Variants in RHOU observed in about 807,000 individuals in gnomAD.
RHOU encodes the protein rho-related GTP-binding protein RhoU.
RHOU carries 8 observed loss-of-function variants against 12.6 expected under a neutral mutation model. The observed-to-expected ratio is 0.64, with a 90% CI of 0.37 to 1.15. The LOEUF is 1.15. Among genes scored for constraint, RHOU ranks in the 50% most tolerant of loss-of-function variants. RHOU has a pLI of 0.01. For synonymous variants in RHOU, 161 were observed against 147.4 expected, an observed-to-expected ratio of 1.09 and a Z score of -0.67; for missense variants, 258 against 347.0, an observed-to-expected ratio of 0.74 and a Z score of 2.04.
At chr1:228,649,610 G>C in the RHOU span, among the ~76,000 whole-genome samples, 1 of 152,188 alleles carries the variant, frequency 6.6e-6, no homozygotes, top group African/African-American at 2.4e-5. Flanking sequence ...GACATTTGAT[G>C]CTGTTTTGAT....
the RHOU span, among the ~76,000 whole-genome samples, chr1:228,664,660 G>A: frequency 6.6e-6 from 1 of 151,990 alleles, no homozygotes; most frequent in Non-Finnish European, 1.5e-5. Context: ...TGAGACAGAG[G>A]TTTGTCCTTG....
chr1:228,685,628 T>A, the RHOU span, among the ~76,000 whole-genome samples: 1 of 152,122 alleles, frequency 6.6e-6, no homozygotes, highest in Non-Finnish European at 1.5e-5. Flanking sequence ...AATTTGAGAG[T>A]TTTAGAAGAT....
the RHOU span, among the ~76,000 whole-genome samples, chr1:228,726,900 G>T: frequency 6.6e-6 from 1 of 152,172 alleles, no homozygotes; most frequent in African/African-American, 2.4e-5. Context: ...ACCCAAGATT[G>T]TGCTAAAGTC....
Position 228,743,480 on chromosome 1 carries a change from A to G in RHOU, c.517A>G (p.Ile173Val). 1.2e-6 allele frequency: 2 copies of G among 1,614,192 alleles called. No individual in the cohort carries two copies. The highest frequency in any genetic ancestry group is 2.2e-5 in the East Asian group (1 of 44,870). ...SDLREDVKVLIELDKCKEKPV... is the reference protein window; with the variant it reads ...SDLREDVKVLVELDKCKEKPV... ...TCTCAGAGAAGATGTCAAAGTCCTC[A>G]TTGAGTTGGACAAATGCAAAGAAAA... Residue 173 changes from isoleucine to valine, a missense_variant, in exon 3 of 3, where the codon ATT becomes GTT. Physicochemically the swap from Ile to Val is conservative, Grantham distance 29 (BLOSUM62 3). Coordinates refer to ENST00000366691, the MANE Select transcript of RHOU (RefSeq NM_021205.6). This position sits in a 1 kb window ranked among gnomAD's most constrained non-coding sequence, Gnocchi z 5.1.
chr1:228,648,294 C>T, the RHOU span, among the ~76,000 whole-genome samples: 53 of 152,220 alleles, frequency 3.5e-4, no homozygotes, highest in African/African-American at 1.3e-3. Context: ...CCTGTTTCCT[C>T]GCGGGAGTGC....
the RHOU span, among the ~76,000 whole-genome samples, chr1:228,724,047 T>C: frequency 6.6e-6 from 1 of 152,228 alleles, no homozygotes; most frequent in East Asian, 1.9e-4. Context: ...CCTGTTTTTT[T>C]TCGTCTCTGT....
At position 228,744,018 on chromosome 1, in the gene RHOU, C is replaced by A; in HGVS notation, c.*278C>A. 1 of 342,128 alleles carries A rather than the reference C, an allele frequency of 2.9e-6. No individual in the cohort carries two copies. The highest frequency in any genetic ancestry group is 5.3e-6 in the Non-Finnish European group (1 of 187,462). 21.2% of individuals were successfully genotyped at this position (342,128 alleles called of 1,614,324 possible). ...TTCTAGACCTCTGGTTAATTTATATCTAATATGAAGAAGACACCTCTAATC... is the reference window on the plus strand; with the variant it reads ...TTCTAGACCTCTGGTTAATTTATATATAATATGAAGAAGACACCTCTAATC... On this transcript the variant is annotated 3_prime_UTR_variant, in exon 3 of 3. Coordinates refer to ENST00000366691, the MANE Select transcript of RHOU (RefSeq NM_021205.6).
chr1:228,665,403 C>T, the RHOU span, among the ~76,000 whole-genome samples: 5 of 152,216 alleles, frequency 3.3e-5, no homozygotes, highest in Admixed American at 2.0e-4. Context: ...TACGTGGCAG[C>T]ACTAGGGTGA....
chr1:228,659,016 CT>C, the RHOU span, among the ~76,000 whole-genome samples: 30 of 152,264 alleles, frequency 2.0e-4, no homozygotes, highest in Middle Eastern at 0.01. Context: ...TACAGCAAAA[CT>C]TTGGGATACA....
the RHOU span, among the ~76,000 whole-genome samples, chr1:228,646,757 C>T: frequency 3.3e-4 from 50 of 152,044 alleles, no homozygotes; most frequent in Non-Finnish European, 5.3e-4. Context: ...CACACCCGTT[C>T]GTTCTCGTTC....
the RHOU span, among the ~76,000 whole-genome samples, chr1:228,682,404 C>T: frequency 6.6e-6 from 1 of 152,102 alleles, no homozygotes; most frequent in African/African-American, 2.4e-5. Context: ...GTGTGAGCAA[C>T]AAGGCTGTTT....
the RHOU span, among the ~76,000 whole-genome samples, chr1:228,648,827 G>GT: frequency 6.6e-6 from 1 of 151,460 alleles, no homozygotes; most frequent in South Asian, 2.1e-4. Flanking sequence ...TCTGAAATTT[G>GT]TTTTTTCTCT....
the RHOU span, among the ~76,000 whole-genome samples, chr1:228,653,530 G>A: frequency 2.0e-5 from 3 of 152,074 alleles, no homozygotes; most frequent in Admixed American, 1.3e-4. Context: ...TGTTGGTCTG[G>A]CTGGTCTCGA....
chr1:228,719,708 C>T, the RHOU span, among the ~76,000 whole-genome samples: 6 of 152,092 alleles, frequency 3.9e-5, no homozygotes, highest in South Asian at 2.1e-4. Context: ...CCAGCCCGGG[C>T]GACAGAACAT....
the RHOU span, among the ~76,000 whole-genome samples, chr1:228,689,613 G>T: frequency 6.6e-6 from 1 of 152,068 alleles, no homozygotes; most frequent in South Asian, 2.1e-4. Context: ...CTGCATAGCC[G>T]GAGGTGAGCA....
the RHOU span, among the ~76,000 whole-genome samples, chr1:228,680,084 C>A: frequency 6.6e-6 from 1 of 152,156 alleles, no homozygotes; most frequent in African/African-American, 2.4e-5. Flanking sequence ...AAGGGAAACA[C>A]ACCCTTGAAA....
the RHOU span, among the ~76,000 whole-genome samples, chr1:228,646,521 G>A: frequency 8.8e-3 from 900 of 102,658 alleles, 16 homozygotes; most frequent in African/African-American, 0.035. Context: ...AGCCGGCCCA[G>A]CCGCGCGGGG....
Position 228,742,656 on chromosome 1 carries a change from A to G in RHOU, c.322-629A>G, listed in dbSNP as rs574575021. ...AAAAGTTTTCTGAGTCACGATGACA[A>G]TGGACTGACAAAGGTCCTCAACTCC... On this transcript the variant is annotated intron_variant, in intron 2 of 2. Coordinates refer to ENST00000366691, the MANE Select transcript of RHOU (RefSeq NM_021205.6). 1.2e-4 allele frequency among the ~76,000 whole-genome samples: 18 copies of G among 152,352 alleles called. No homozygotes were observed. In the South Asian group the frequency reaches 3.3e-3, roughly 28 times the overall value.
the RHOU span, among the ~76,000 whole-genome samples, chr1:228,684,413 C>T: frequency 2.0e-5 from 3 of 152,082 alleles, no homozygotes; most frequent in African/African-American, 7.2e-5. Context: ...ATTGCAACCT[C>T]CACCTCCTGG....
Sources: gnomAD v4.1 joint callset for allele counts (sites outside exome capture counted in the v4.1 genomes callset) on GRCh38, gnomAD v4.1.1 for gene constraint, Gnocchi (gnomAD v3.1) non-coding constraint, MANE v1.5 for transcripts, NCBI Gene and HGNC (gene_info 2026-07-23, HGNC 2026-07-21) for gene names.